Variants in STK10 observed in about 807,000 individuals in gnomAD.
STK10 encodes serine/threonine kinase 10.
STK10 carries 78 observed loss-of-function variants against 113.8 expected under a neutral mutation model. The ratio of observed to expected loss-of-function variants is 0.69; its 90% CI spans 0.57 to 0.83. The LOEUF (loss-of-function observed/expected upper bound fraction) is 0.83. Among genes scored for constraint, STK10 ranks in the 40% least tolerant of loss-of-function variants. The pLI is 0.00. For missense variants in STK10, 1,109 were observed against 1,280.1 expected, an observed-to-expected ratio of 0.87 and a Z score of 2.04; for synonymous variants, 465 against 494.7, an observed-to-expected ratio of 0.94 and a Z score of 0.80.
chr5:172,125,386 T>C (rs1178921408), intron 3 of STK10, among the ~76,000 whole-genome samples: 1 of 148,516 alleles, frequency 6.7e-6, no homozygotes, highest in Non-Finnish European at 1.5e-5. Flanking sequence ...ATGACTTTTT[T>C]TCATTTTTTT....
chr5:172,142,928 C>T (rs1398578802), intron 2 of STK10, among the ~76,000 whole-genome samples: 1 of 152,222 alleles, frequency 6.6e-6, no homozygotes, highest in Admixed American at 6.5e-5. Context: ...TGCTCCAGCC[C>T]TCTCTGGGCC....
intron 3 of STK10, among the ~76,000 whole-genome samples, chr5:172,126,354 CAGG>C (rs1257349055): frequency 2.6e-5 from 4 of 152,184 alleles, no homozygotes; most frequent in African/African-American, 9.7e-5. Flanking sequence ...CACCCAAGGT[CAGG>C]AGTTCGAGAC....
At chr5:172,149,943 A>G (rs1481213749) in intron 2 of STK10, among the ~76,000 whole-genome samples, 2 of 149,114 alleles carry the variant, frequency 1.3e-5, no homozygotes, top group Non-Finnish European at 3.0e-5. Context: ...GCTACTCGGG[A>G]GGCTGAGGCA....
At chr5:172,086,517 C>A (rs1768563325) in intron 10 of STK10, among the ~76,000 whole-genome samples, 1 of 152,174 alleles carries the variant, frequency 6.6e-6, no homozygotes, top group African/African-American at 2.4e-5. Context: ...AAGGCTGAGG[C>A]TCAAGAGCGA....
intron 1 of STK10, among the ~76,000 whole-genome samples, chr5:172,171,834 A>G (rs1348782913): frequency 6.6e-6 from 1 of 152,180 alleles, no homozygotes; most frequent in Non-Finnish European, 1.5e-5. Context: ...ATTCTTCCAT[A>G]CTTTACAAAA....
intron 18 of STK10, among the ~76,000 whole-genome samples, chr5:172,048,881 T>C (rs1166556633): frequency 2.0e-5 from 3 of 148,810 alleles, no homozygotes; most frequent in African/African-American, 7.5e-5. Flanking sequence ...TCACCACCAC[T>C]CTCTCCGGCC....
At chr5:172,156,842 C>T in intron 1 of STK10, 54 bp from the exon 2 acceptor site, 1 of 1,571,276 alleles carries the variant, frequency 6.4e-7, no homozygotes, top group Non-Finnish European at 8.7e-7. Context: ...GGAAACTGAC[C>T]TTTGGACGTG....
In STK10 at chr5:172,082,298, C is replaced by A. The variant is rs773742160; in HGVS notation, c.1989+28G>T. The A allele has an allele frequency of 1.3e-6, 2 of 1,495,200 alleles. No individual in the cohort carries two copies. Among genetic ancestry groups the A allele is most frequent in the South Asian group, 1.4e-5 (1 of 73,398 alleles). 92.6% of individuals were successfully genotyped at this position (1,495,200 alleles called of 1,614,324 possible). A position where few individuals can be genotyped will look rare whatever the true frequency, so the allele number is the denominator to read the frequency against. ...AGAAGGCCCCTAATACTCCGAGATG[C>A]CCCTGCCCCCACTGAGCACATACTC... On this transcript the variant is annotated intron_variant, in intron 12 of 18. Coordinates refer to ENST00000176763, the MANE Select transcript of STK10 (RefSeq NM_005990.4). This position sits in a 1 kb window ranked among gnomAD's most constrained non-coding sequence, Gnocchi z 4.3.
chr5:172,131,108 A>G (rs544702338), intron 2 of STK10, among the ~76,000 whole-genome samples: 2 of 136,360 alleles, frequency 1.5e-5, no homozygotes, highest in South Asian at 2.2e-4. Flanking sequence ...ATCTTGGCTC[A>G]CTGCAAGCTC....
chr5:172,061,530 C>A (rs935988809), intron 13 of STK10: 4 of 295,282 alleles, frequency 1.4e-5, no homozygotes, highest in Admixed American at 9.7e-5. Context: ...CGGCTCACTG[C>A]AACCTCTGCC....
intron 4 of STK10, among the ~76,000 whole-genome samples, chr5:172,116,731 G>C (rs568436105): frequency 6.6e-6 from 1 of 151,798 alleles, no homozygotes; most frequent in East Asian, 2.0e-4. Context: ...AGCCAGGTGT[G>C]GTGGTGGGTG....
At chr5:172,073,960 G>C (rs1055396722) in intron 12 of STK10, among the ~76,000 whole-genome samples, 2 of 142,062 alleles carry the variant, frequency 1.4e-5, no homozygotes, top group African/African-American at 5.7e-5. Flanking sequence ...GCAAGACTCT[G>C]TCTCAAATAA....
chr5:172,091,243 C>T (rs376772518), intron 9 of STK10, among the ~76,000 whole-genome samples: 4 of 152,246 alleles, frequency 2.6e-5, no homozygotes, highest in Admixed American at 1.3e-4. Context: ...CAAAGGAGCC[C>T]GAAAACCAAA....
At chr5:172,183,935 A>G (rs1770907947) in intron 1 of STK10, among the ~76,000 whole-genome samples, 1 of 152,136 alleles carries the variant, frequency 6.6e-6, no homozygotes, top group Non-Finnish European at 1.5e-5. Flanking sequence ...GAGGAAAAAA[A>G]GAGGTTTGAT....
At position 172,064,739 on chromosome 5, in the gene STK10, G is replaced by C. The variant is rs375833622; in HGVS notation, c.2063C>G (p.Thr688Arg). 1 of 1,614,094 alleles carries C rather than the reference G, an allele frequency of 6.2e-7. No individual in the cohort carries two copies. The highest frequency in any genetic ancestry group is 2.2e-5 in the East Asian group (1 of 44,886). Residue 688 changes from threonine to arginine, a missense_variant, in exon 13 of 19, where the codon ACG becomes AGG. Physicochemically the swap from Thr to Arg is moderately conservative, Grantham distance 71. Coordinates refer to ENST00000176763, the MANE Select transcript of STK10 (RefSeq NM_005990.4). Reference protein sequence around the residue: ...ESMKQKMEEHTQKKQLLDRDF... With the variant: ...ESMKQKMEEHRQKKQLLDRDF... ...ACTCACAAGAAGCTGCTTTTTCTGC[G>C]TGTGCTCCTCCATCTTCTGCTTCAT...
chr5:172,098,549 T>C (rs1440585064), intron 7 of STK10, among the ~76,000 whole-genome samples: 1 of 152,162 alleles, frequency 6.6e-6, no homozygotes, highest in Non-Finnish European at 1.5e-5. Flanking sequence ...GAGACTGTCC[T>C]CACAAGCCAC....
chr5:172,089,582 TAGA>T (rs1331487802), intron 10 of STK10, among the ~76,000 whole-genome samples: 1 of 151,782 alleles, frequency 6.6e-6, no homozygotes, highest in Admixed American at 6.6e-5. Context: ...GATAAATGGA[TAGA>T]AGGATAAAAT....
At chr5:172,097,902 A>G (rs1361060122) in intron 7 of STK10, among the ~76,000 whole-genome samples, 1 of 152,182 alleles carries the variant, frequency 6.6e-6, no homozygotes, top group African/African-American at 2.4e-5. Flanking sequence ...CAGCGATATT[A>G]AGTCAGTGTG....
chr5:172,188,074 C>G lies in STK10; in HGVS notation c.-32G>C, dbSNP rs762542959. The G allele has an allele frequency of 6.3e-7, 1 of 1,596,366 alleles. No individual in the cohort carries two copies. On this transcript the variant is annotated 5_prime_UTR_variant, in exon 1 of 19. Coordinates refer to ENST00000176763, the MANE Select transcript of STK10 (RefSeq NM_005990.4). This position sits in a 1 kb window ranked among gnomAD's most constrained non-coding sequence, Gnocchi z 5.6. ...GGGCGCGGTGGCGCCGGCTCGGGCT[C>G]GGGCTCGGGCTCGGGCTGTGGCTTC...
Sources: allele counts gnomAD v4.1 joint callset (sites outside exome capture counted in the v4.1 genomes callset), GRCh38; gene constraint gnomAD v4.1.1; non-coding constraint Gnocchi (gnomAD v3.1); transcripts MANE v1.5; gene names NCBI Gene and HGNC (gene_info 2026-07-23, HGNC 2026-07-21).